ITGAM: variants seen among roughly 807,000 people sequenced by gnomAD.
The protein encoded by ITGAM is integrin alpha-M.
In ITGAM, 79 loss-of-function variants were observed where a neutral mutation model predicts 137.5. The observed-to-expected ratio is 0.57, with a 90% CI of 0.48 to 0.69. The LOEUF is 0.69. ITGAM is among the 30% of genes least tolerant of loss of function. The pLI, the probability that ITGAM is intolerant of heterozygous loss-of-function variation, is 0.00. For synonymous variants in ITGAM, 583 were observed against 592.3 expected, an observed-to-expected ratio of 0.98 and a Z score of 0.23; for missense variants, 1,343 against 1,483.5, an observed-to-expected ratio of 0.91 and a Z score of 1.56.
At chr16:31,280,237 C>T (rs1229618966) in intron 12 of ITGAM, among the ~76,000 whole-genome samples, 2 of 152,088 alleles carry the variant, frequency 1.3e-5, no homozygotes, top group African/African-American at 2.4e-5. Context: ...TTTGGTTCCA[C>T]ATGAACTTTA....
At chr16:31,290,885 A>T (rs2080080475) in intron 12 of ITGAM, among the ~76,000 whole-genome samples, 1 of 152,170 alleles carries the variant, frequency 6.6e-6, no homozygotes, top group Non-Finnish European at 1.5e-5. Flanking sequence ...AGTTCTCAGG[A>T]TATAGGAGCA....
Position 31,260,072 on chromosome 16 carries a change from TCA to T in ITGAM, c.9_10del (p.Arg4SerfsTer18). The T allele has an allele frequency of 7.5e-7, 1 of 1,325,896 alleles. No homozygotes were observed. Among genetic ancestry groups the T allele is most frequent in the Non-Finnish European group, 1.0e-6 (1 of 998,810 alleles). 82.1% of individuals were successfully genotyped at this position (1,325,896 alleles called of 1,614,324 possible). On this transcript the variant is annotated frameshift_variant, in exon 1 of 30. Transcript: ENST00000544665. LOFTEE classifies it high-confidence loss of function. ...TTCTGGCTCCTTCCAGCCATGGCTC[TCA>T]GAGTCCTTCTGTTAACAGGTGCATG...
chr16:31,273,378 A>T lies in ITGAM; in HGVS notation c.718A>T (p.Asn240Tyr). The change falls in exon 8 of 30, where the codon AAC becomes TAC. Residue 240 changes from asparagine (N) to tyrosine (Y), a missense_variant. Physicochemically the swap from Asn to Tyr is moderately radical, Grantham distance 143. Coordinates refer to ENST00000544665, the MANE Select transcript of ITGAM (RefSeq NM_000632.4). ...GIRKVVRELF[N>Y]ITNGARKNAF... ...TTTCCTGCACAGACGAGAGCTGTTTAACATCACCAACGGAGCCCGAAAGAA... is the reference window on the plus strand; with the variant it reads ...TTTCCTGCACAGACGAGAGCTGTTTTACATCACCAACGGAGCCCGAAAGAA... 1.9e-6 allele frequency: 3 copies of T among 1,613,696 alleles called. No homozygotes were observed. Among genetic ancestry groups the T allele is most frequent in the Non-Finnish European group, 2.5e-6 (3 of 1,179,788 alleles).
intron 2 of ITGAM, among the ~76,000 whole-genome samples, chr16:31,262,857 T>G (rs1465458452): frequency 6.6e-6 from 1 of 152,230 alleles, no homozygotes; most frequent in Non-Finnish European, 1.5e-5. Context: ...GCTCTTTGCT[T>G]TATCTCCCAT....
intron 16 of ITGAM, among the ~76,000 whole-genome samples, chr16:31,322,875 C>T (rs910664997): frequency 6.6e-6 from 1 of 151,966 alleles, no homozygotes; most frequent in African/African-American, 2.4e-5. Flanking sequence ...AGAAGCAGAA[C>T]AGAGAATTAG....
At chr16:31,296,423 C>G (rs2080134857) in intron 12 of ITGAM, among the ~76,000 whole-genome samples, 1 of 152,028 alleles carries the variant, frequency 6.6e-6, no homozygotes, top group Admixed American at 6.6e-5. Context: ...GGTTATATGA[C>G]TTTATATGTT....
chr16:31,324,692 G>T lies in ITGAM; in HGVS notation c.2199G>T (p.Leu733=). 1 of 1,602,378 alleles carries T rather than the reference G, an allele frequency of 6.2e-7. No individual in the cohort carries two copies. The highest frequency in any genetic ancestry group is 1.1e-5 in the South Asian group (1 of 89,400). The change falls in exon 18 of 30, where the codon CTG becomes CTT. Residue 733 remains leucine, a synonymous_variant. Transcript: ENST00000544665. The surrounding 1 kb of genome is among the most constrained non-coding windows in gnomAD (Gnocchi z 4.5). The part of the protein sequence containing the change: ...EDPVSPIVLR[L]NFSLVGTPLS... The stretch of plus-strand genomic sequence containing the variant: ...CAGTGAGCCCCATTGTGCTGCGCCT[G>T]AACTTCTCTCTGGTGGGAACGCCAT...
At chr16:31,322,748 A>G (rs2080463011) in intron 16 of ITGAM, among the ~76,000 whole-genome samples, 1 of 152,230 alleles carries the variant, frequency 6.6e-6, no homozygotes, top group Non-Finnish European at 1.5e-5. Context: ...AAAAAGGGAA[A>G]GGATGAGAAC....
rs1380384293 is a variant in ITGAM at position 31,331,249 on chromosome 16, G to A, written c.3361G>A (p.Ala1121Thr). Residue 1121 changes from alanine to threonine, a missense_variant, in exon 29 of 30, where the codon GCC becomes ACC. By Grantham distance (58) the Ala-to-Thr change is moderately conservative. Coordinates refer to ENST00000544665, the MANE Select transcript of ITGAM (RefSeq NM_000632.4). Reference sequence around the variant, plus strand: ...CTCTGTCGGGGGACTGCTGCTCCTGGCCCTCATCACCGCCGCGCTGTACAA... The same window carrying A: ...CTCTGTCGGGGGACTGCTGCTCCTGACCCTCATCACCGCCGCGCTGTACAA... ...GSSVGGLLLL[A>T]LITAALYKLG... 3 of 1,612,008 alleles carry A rather than the reference G, an allele frequency of 1.9e-6. No individual in the cohort carries two copies. The Admixed American group carries it at 5.0e-5, about 27-fold the overall frequency.
At position 31,297,876 on chromosome 16, in the gene ITGAM, A is replaced by G; in HGVS notation, c.1629A>G (p.Pro543=). 2 of 1,613,994 alleles carry G rather than the reference A, an allele frequency of 1.2e-6. No individual in the cohort carries two copies. The highest frequency in any genetic ancestry group is 1.1e-5 in the South Asian group (1 of 91,070). ...TGACGGACGTGGCCATTGGGGCCCC[A>G]GGAGAGGAGGACAACCGGGGTGCTG... is the stretch of plus-strand genomic sequence containing the variant. The part of the protein sequence containing the change: ...DKLTDVAIGA[P]GEEDNRGAVY... Residue 543 remains proline, a synonymous_variant, in exon 14 of 30, where the codon CCA becomes CCG. Transcript: ENST00000544665.
intron 21 of ITGAM, 77 bp downstream of exon 21, chr16:31,325,699 G>A: frequency 6.6e-7 from 1 of 1,525,724 alleles, no homozygotes; most frequent in South Asian, 1.3e-5. Context: ...CTCTTCTTTA[G>A]TAGTGGTTCC....
chr16:31,294,763 G>A (rs1180277500), intron 12 of ITGAM, among the ~76,000 whole-genome samples: 3 of 152,012 alleles, frequency 2.0e-5, no homozygotes, highest in Non-Finnish European at 2.9e-5. Context: ...TGTTGCCTGT[G>A]CTTTTGGGGT....
chr16:31,281,647 T>C (rs1024725399), intron 12 of ITGAM, among the ~76,000 whole-genome samples: 2 of 152,218 alleles, frequency 1.3e-5, no homozygotes, highest in African/African-American at 2.4e-5. Context: ...TCTATCAGTT[T>C]TGTTGATCTT....
intron 6 of ITGAM, among the ~76,000 whole-genome samples, chr16:31,271,541 C>T (rs1007591458): frequency 4.6e-5 from 7 of 152,104 alleles, no homozygotes; most frequent in South Asian, 2.1e-4. Context: ...TTAGTAGAGA[C>T]GGGGTTTCAC....
intron 5 of ITGAM, among the ~76,000 whole-genome samples, chr16:31,266,978 C>A (rs2079776551): frequency 6.6e-6 from 1 of 152,044 alleles, no homozygotes; most frequent in South Asian, 2.1e-4. Context: ...AGCGATTCTC[C>A]TGCCCCATCT....
At chr16:31,281,023 T>C (rs1191586918) in intron 12 of ITGAM, among the ~76,000 whole-genome samples, 2 of 152,210 alleles carry the variant, frequency 1.3e-5, no homozygotes, top group African/African-American at 2.4e-5. Flanking sequence ...ATTATGTTTA[T>C]TGATTTGCAT....
chr16:31,298,725 G>A (rs1231675948), intron 14 of ITGAM, among the ~76,000 whole-genome samples: 53 of 152,216 alleles, frequency 3.5e-4, no homozygotes, highest in Non-Finnish European at 8.8e-5. Context: ...GCAGTCACAC[G>A]TGCCCCTCTC....
intron 9 of ITGAM, 132 bp downstream of exon 9, chr16:31,275,831 C>A: frequency 1.3e-6 from 1 of 775,104 alleles, no homozygotes. Flanking sequence ...CTTCCTACAG[C>A]TCCCAGTCCC....
intron 3 of ITGAM, 102 bp downstream of exon 3, chr16:31,265,600 G>A: frequency 1.2e-6 from 1 of 840,574 alleles, no homozygotes; most frequent in East Asian, 2.7e-5. Context: ...GGGGACACAG[G>A]TGCCTGCCTC....
Sources: allele counts gnomAD v4.1 joint callset (sites outside exome capture counted in the v4.1 genomes callset), GRCh38; gene constraint gnomAD v4.1.1; non-coding constraint Gnocchi (gnomAD v3.1); transcripts MANE v1.5; gene names NCBI Gene and HGNC (gene_info 2026-07-23, HGNC 2026-07-21).